Variants in PAK3 observed in about 807,000 individuals in gnomAD.
PAK3 encodes p21 (RAC1) activated kinase 3, also known as serine/threonine-protein kinase PAK 3.
PAK3 carries 4 observed loss-of-function variants against 41.0 expected under a neutral mutation model. That is an observed-to-expected ratio of 0.10 (90% confidence interval 0.05 to 0.22). The LOEUF (loss-of-function observed/expected upper bound fraction) is 0.22. Among genes scored for constraint, PAK3 ranks in the 10% least tolerant of loss-of-function variants. The pLI is 1.00. For synonymous variants in PAK3, 146 were observed against 139.6 expected, an observed-to-expected ratio of 1.05 and a Z score of -0.32; for missense variants, 205 against 409.9, an observed-to-expected ratio of 0.50 and a Z score of 4.32.
chrX:110,945,404 T>TC (rs2090595878), intron 1 of PAK3, among the ~76,000 whole-genome samples: 1 of 111,283 alleles, frequency 9.0e-6, no homozygotes, highest in African/African-American at 3.3e-5. Context: ...GTGATGGAAA[T>TC]CCCCCCAGCT....
At chrX:111,153,270 G>A (rs2094056723) in intron 8 of PAK3, among the ~76,000 whole-genome samples, 1 of 111,725 alleles carries the variant, frequency 9.0e-6, no homozygotes, top group Non-Finnish European at 1.9e-5. Flanking sequence ...CTTCTCTAAG[G>A]TTATAACAGT....
chrX:110,988,508 T>C (rs1005735167), intron 1 of PAK3, among the ~76,000 whole-genome samples: 1 of 112,312 alleles, frequency 8.9e-6, no homozygotes, highest in African/African-American at 3.2e-5. Flanking sequence ...TGTATATATA[T>C]ACATGCAAAC....
chrX:111,214,377 A>G (rs868392956), intron 16 of PAK3, among the ~76,000 whole-genome samples: 2 of 111,531 alleles, frequency 1.8e-5, no homozygotes, highest in South Asian at 3.8e-4. Context: ...AGAGGTTTTT[A>G]CTTAATTTTT....
intron 10 of PAK3, among the ~76,000 whole-genome samples, chrX:111,165,187 G>T (rs952990252): frequency 8.9e-6 from 1 of 111,882 alleles, no homozygotes; most frequent in Non-Finnish European, 1.9e-5. Flanking sequence ...GAAAGGCAAA[G>T]GTCGGAGTTG....
intron 1 of PAK3, among the ~76,000 whole-genome samples, chrX:110,967,334 G>A (rs1298127288): frequency 1.8e-5 from 2 of 112,440 alleles, no homozygotes; most frequent in Non-Finnish European, 3.8e-5. Flanking sequence ...TTAGTGCTGA[G>A]GTGTCACGTG....
chrX:111,099,316 T>C (rs1484479078), intron 3 of PAK3, among the ~76,000 whole-genome samples: 1 of 112,080 alleles, frequency 8.9e-6, no homozygotes, highest in Non-Finnish European at 1.9e-5. Context: ...TAGATCTGTG[T>C]CTGATTTCCA....
intron 1 of PAK3, among the ~76,000 whole-genome samples, chrX:110,957,757 C>A (rs780539881): frequency 1.5e-4 from 17 of 111,605 alleles, no homozygotes; most frequent in Non-Finnish European, 3.0e-4. Context: ...CTTCTCAGAC[C>A]ATGTCACTTC....
At chrX:111,099,730 C>CAGG (rs2093088212) in intron 3 of PAK3, among the ~76,000 whole-genome samples, 3 of 100,067 alleles carry the variant, frequency 3.0e-5, no homozygotes, top group African/African-American at 1.1e-4. Context: ...CCCAAACACA[C>CAGG]TGTCCCAGAC....
chrX:110,991,986 T>C (rs1351784080), intron 1 of PAK3, among the ~76,000 whole-genome samples: 1 of 111,726 alleles, frequency 9.0e-6, no homozygotes, highest in Admixed American at 9.5e-5. Context: ...TTGTGTTATG[T>C]GATATTAAGT....
chrX:110,979,195 T>C (rs1474857527), intron 1 of PAK3, among the ~76,000 whole-genome samples: 1 of 111,020 alleles, frequency 9.0e-6, no homozygotes, highest in African/African-American at 3.3e-5. Flanking sequence ...AATTTGTGTC[T>C]TCTCTCTTTT....
chrX:110,982,798 C>A (rs1189907366), intron 1 of PAK3, among the ~76,000 whole-genome samples: 1 of 110,783 alleles, frequency 9.0e-6, no homozygotes, highest in Non-Finnish European at 1.9e-5. Context: ...GCTAATGGAG[C>A]AAGGGCAGAC....
At chrX:111,016,612 T>C (rs1419715766) in intron 1 of PAK3, among the ~76,000 whole-genome samples, 1 of 111,006 alleles carries the variant, frequency 9.0e-6, no homozygotes, top group Non-Finnish European at 1.9e-5. Context: ...AGAGTAACCA[T>C]TAATGCAGGT....
At chrX:110,986,079 T>A (rs150810863) in intron 1 of PAK3, among the ~76,000 whole-genome samples, 1 of 111,700 alleles carries the variant, frequency 9.0e-6, no homozygotes, top group African/African-American at 3.3e-5. Flanking sequence ...ACTTTGATGA[T>A]TGACAATATA....
At chrX:111,141,725 TAG>T (rs2093875455) in intron 5 of PAK3, among the ~76,000 whole-genome samples, 2 of 112,150 alleles carry the variant, frequency 1.8e-5, no homozygotes, top group African/African-American at 6.5e-5. Context: ...TTCTTTCTAA[TAG>T]TATGCCTTAG....
intron 4 of PAK3, among the ~76,000 whole-genome samples, chrX:111,109,097 G>A (rs182714415): frequency 3.6e-5 from 4 of 111,882 alleles, no homozygotes; most frequent in Admixed American, 2.8e-4. Flanking sequence ...TTTTGGCTAA[G>A]ATCAAGTGAA....
At chrX:111,005,685 C>T (rs913227772) in intron 1 of PAK3, among the ~76,000 whole-genome samples, 5 of 111,682 alleles carry the variant, frequency 4.5e-5, no homozygotes, top group Non-Finnish European at 9.4e-5. Flanking sequence ...GCTATATCCC[C>T]GGTGTTCTTT....
chrX:110,980,563 G>T (rs761953944), intron 1 of PAK3, among the ~76,000 whole-genome samples: 2 of 111,184 alleles, frequency 1.8e-5, no homozygotes, highest in Non-Finnish European at 3.8e-5. Context: ...CCTTCTGAAG[G>T]TTCCCTGAAA....
chrX:111,037,801 A>T (rs2092414894), intron 1 of PAK3, among the ~76,000 whole-genome samples: 1 of 111,662 alleles, frequency 9.0e-6, no homozygotes, highest in African/African-American at 3.3e-5. Context: ...ATATTTAAAA[A>T]ACCTGATTAT....
chrX:111,189,385 A>G (rs1396993376), intron 11 of PAK3, among the ~76,000 whole-genome samples: 1 of 111,975 alleles, frequency 8.9e-6, no homozygotes, highest in African/African-American at 3.3e-5. Flanking sequence ...CAATGAACAT[A>G]CAAGTGCATG....
Sources: gnomAD v4.1 joint callset for allele counts (sites outside exome capture counted in the v4.1 genomes callset) on GRCh38, gnomAD v4.1.1 for gene constraint, MANE v1.5 for transcripts, NCBI Gene and HGNC (gene_info 2026-07-23, HGNC 2026-07-21) for gene names.